Variants in MYOF observed in about 807,000 individuals in gnomAD.
The protein encoded by MYOF is fer-1-like 3, myoferlin.
Under a neutral mutation model 284.2 loss-of-function variants are expected in MYOF, and 244 were observed. That is an observed-to-expected ratio of 0.86 (90% CI 0.77 to 0.95). The LOEUF (loss-of-function observed/expected upper bound fraction) is 0.95, where lower values mean the gene tolerates loss of function less well. MYOF is among the 40% of genes least tolerant of loss of function. MYOF has a pLI of 0.00. For missense variants in MYOF, 2,496 were observed against 2,560.6 expected (o/e 0.97, Z 0.54); for synonymous variants, 904 against 919.7 (o/e 0.98, Z 0.31).
Position 93,351,407 on chromosome 10 carries a change from A to AT in MYOF, c.3822+5dup, listed in dbSNP as rs759001634. The AT allele has an allele frequency of 1.2e-6, 2 of 1,613,978 alleles. No individual in the cohort carries two copies. Among genetic ancestry groups the AT allele is most frequent in the Non-Finnish European group, 1.7e-6 (2 of 1,179,962 alleles). On this transcript the variant is annotated splice_donor_region_variant and intron_variant, in intron 34 of 53. Transcript: ENST00000359263. The stretch of plus-strand genomic sequence containing the variant: ...AGAATACATGAGGAAGAACACAGCA[A>AT]TGTACCTTGCCCCTCAGAATCAGCT...
chr10:93,339,700 C>A (rs1843795699), intron 39 of MYOF, among the ~76,000 whole-genome samples: 1 of 150,836 alleles, frequency 6.6e-6, no homozygotes, highest in Non-Finnish European at 1.5e-5. Flanking sequence ...AACTCCTGGC[C>A]TCAAGTGATC....
Position 93,361,486 on chromosome 10 carries a change from C to A in MYOF, c.2940G>T (p.Trp980Cys). The A allele has an allele frequency of 1.2e-6, 2 of 1,614,198 alleles. No homozygotes were observed. The highest frequency in any genetic ancestry group is 2.7e-5 in the African/African-American group (2 of 75,056). Residue 980 changes from tryptophan to cysteine, a missense_variant, in exon 28 of 54, where the codon TGG becomes TGT. Trp to Cys is a radical substitution (Grantham distance 215). Transcript: ENST00000359263. ...PPGWEWEDDA[W>C]SYDINRAVDE... ...CCACCGCTCGATTTATGTCATAAGA[C>A]CATGCATCATCTTCCCATTCCCAAC...
rs916555324 is a variant in MYOF at position 93,370,314 on chromosome 10, A to ATT, written c.2458-540_2458-539dup. On this transcript the variant is annotated intron_variant, in intron 24 of 53. Coordinates refer to ENST00000359263, the MANE Select transcript of MYOF (RefSeq NM_013451.4). ...GTTGATCAAGCAGTAATGATTACTAATTTTTTTTTTTTTTTTTTTTTGAGA... is the reference window on the plus strand; with the variant it reads ...GTTGATCAAGCAGTAATGATTACTAATTTTTTTTTTTTTTTTTTTTTTTGAGA... 2.0e-3 allele frequency among the ~76,000 whole-genome samples: 241 copies of ATT among 122,398 alleles called. 7 individuals are homozygous for ATT. Among genetic ancestry groups the ATT allele is most frequent in the African/African-American group, 7.0e-3 (199 of 28,266 alleles). 80.3% of individuals were successfully genotyped at this position (122,398 alleles called of 152,430 possible).
intron 21 of MYOF, among the ~76,000 whole-genome samples, chr10:93,378,693 G>GTGTGTGTGTGTGTGTATATATATATA: frequency 1.1e-5 from 1 of 87,894 alleles, no homozygotes; most frequent in African/African-American, 4.8e-5. Context: ...GTGTGTGTGT[G>GTGTGTGTGTGTGTGTATATATATATA]TATATATATA....
chr10:93,335,165 C>T (rs1282667099), intron 41 of MYOF, among the ~76,000 whole-genome samples: 2 of 152,128 alleles, frequency 1.3e-5, no homozygotes, highest in African/African-American at 4.8e-5. Flanking sequence ...ATGAGTAGGA[C>T]TTCGTCAGAC....
At chr10:93,349,683 T>G in intron 36 of MYOF, 125 bp downstream of exon 36, 1 of 1,153,744 alleles carries the variant, frequency 8.7e-7, no homozygotes, top group East Asian at 2.6e-5. Flanking sequence ...ACAAGCTGAA[T>G]ATAAGGCAGG....
chr10:93,386,653 T>C (rs920583569), intron 19 of MYOF, among the ~76,000 whole-genome samples: 1 of 152,134 alleles, frequency 6.6e-6, no homozygotes, highest in Non-Finnish European at 1.5e-5. Context: ...GTTCCCAACA[T>C]GTAAAGGCTG....
At chr10:93,476,180 C>G (rs891764532) in intron 1 of MYOF, among the ~76,000 whole-genome samples, 8 of 151,536 alleles carry the variant, frequency 5.3e-5, no homozygotes, top group African/African-American at 9.7e-5. Flanking sequence ...GGGGAACGCA[C>G]CAAGTGCCTG....
chr10:93,443,525 A>G (rs2056339509), intron 3 of MYOF, among the ~76,000 whole-genome samples: 1 of 147,932 alleles, frequency 6.8e-6, no homozygotes, highest in African/African-American at 2.5e-5. Context: ...CTCTTGGTCC[A>G]CTAGTAACCT....
chr10:93,361,979 C>A (rs957909732), intron 27 of MYOF, among the ~76,000 whole-genome samples: 2 of 152,100 alleles, frequency 1.3e-5, no homozygotes. Context: ...GACAGAGCCT[C>A]GCTCTGTTGC....
intron 3 of MYOF, among the ~76,000 whole-genome samples, chr10:93,447,484 G>A (rs2056464798): frequency 6.6e-6 from 1 of 152,148 alleles, no homozygotes; most frequent in Non-Finnish European, 1.5e-5. Flanking sequence ...ACCTGGAACT[G>A]GTTATTTTTT....
At position 93,315,323 on chromosome 10, in the gene MYOF, T is replaced by C. The variant is rs142736889; in HGVS notation, c.5698+1391A>G. On this transcript the variant is annotated intron_variant, in intron 50 of 53. Coordinates refer to ENST00000359263, the MANE Select transcript of MYOF (RefSeq NM_013451.4). ...ACATGTGGCTAGCAGAAAGTGAGTT[T>C]CAACTGGCAAGTGGCAGAGATCACA... 1.9e-3 allele frequency among the ~76,000 whole-genome samples: 285 copies of C among 152,254 alleles called. 1 individual carries two copies. Among genetic ancestry groups the C allele is most frequent in the Non-Finnish European group, 3.5e-3 (237 of 68,034 alleles).
Position 93,409,582 on chromosome 10 carries a change from C to T in MYOF, c.591G>A (p.Gln197=), listed in dbSNP as rs568971785. ...NSRRMLSNKP[Q]DFQIRVRVIE... ...GCCAGGCCGTTGCTACCTGGAAGTC[C>T]TGTGGCTTATTTGACAGCATCCGCC... Residue 197 remains glutamine, a synonymous_variant, in exon 6 of 54, where the codon CAG becomes CAA. Transcript: ENST00000359263. The T allele has an allele frequency of 6.2e-7, 1 of 1,613,540 alleles. No individual in the cohort carries two copies. The highest frequency in any genetic ancestry group is 1.7e-5 in the Admixed American group (1 of 59,848).
chr10:93,340,115 A>G (rs1051616374), intron 39 of MYOF, 38 bp downstream of exon 39: 60 of 1,611,044 alleles, frequency 3.7e-5, no homozygotes, highest in Non-Finnish European at 4.9e-5. Flanking sequence ...CAGAAAATAC[A>G]TGAATCTTAA....
chr10:93,426,646 T>C (rs887892889), intron 4 of MYOF, among the ~76,000 whole-genome samples: 10 of 152,176 alleles, frequency 6.6e-5, no homozygotes, highest in Non-Finnish European at 1.5e-4. Flanking sequence ...CCTAGCACTT[T>C]GGGAGGCCGA....
At chr10:93,481,352 C>T (rs1184832199) in intron 1 of MYOF, among the ~76,000 whole-genome samples, 1 of 152,176 alleles carries the variant, frequency 6.6e-6, no homozygotes, top group African/African-American at 2.4e-5. Context: ...TGAGGAGCCA[C>T]TGTGCTCAGC....
intron 21 of MYOF, among the ~76,000 whole-genome samples, chr10:93,378,669 A>ATG (rs1276348555): frequency 9.3e-6 from 1 of 107,050 alleles, no homozygotes; most frequent in Non-Finnish European, 1.7e-5. Context: ...ATATGTGTAT[A>ATG]TGTGTGTGTG....
chr10:93,424,351 C>T (rs556583872), intron 5 of MYOF, among the ~76,000 whole-genome samples: 2 of 152,338 alleles, frequency 1.3e-5, no homozygotes, highest in South Asian at 4.1e-4. Context: ...TGACAATAGT[C>T]ATCGGCAGCG....
At chr10:93,427,530 CAAAA>C (rs11293315) in intron 4 of MYOF, among the ~76,000 whole-genome samples, 1 of 81,848 alleles carries the variant, frequency 1.2e-5, no homozygotes, top group Admixed American at 1.5e-4. Context: ...GACTCCGTCT[CAAAA>C]AAAAAAAAAA....
Sources: allele counts gnomAD v4.1 joint callset (sites outside exome capture counted in the v4.1 genomes callset), GRCh38; gene constraint gnomAD v4.1.1; transcripts MANE v1.5; gene names NCBI Gene and HGNC (gene_info 2026-07-23, HGNC 2026-07-21).